CFAP43: variants seen among roughly 807,000 people sequenced by gnomAD.
CFAP43 encodes the protein cilia and flagella associated protein 43, also known as cilia- and flagella-associated protein 43.
A neutral mutation model predicts 218.9 loss-of-function variants in CFAP43; 155 were observed. The observed-to-expected ratio is 0.71, with a 90% CI of 0.62 to 0.81. CFAP43 has a LOEUF of 0.81. CFAP43 is among the 30% of genes least tolerant of loss of function. The pLI is 0.00. For synonymous variants in CFAP43, 645 were observed against 681.3 expected (o/e 0.95, Z 0.83); for missense variants, 1,778 against 1,954.3 (o/e 0.91, Z 1.70).
chr10:104,140,974 C>T lies in CFAP43; in HGVS notation c.4299G>A (p.Gln1433=), dbSNP rs45618238. Reference sequence around the variant, plus strand: ...GAAGAATTTGGATTGTCAAATTCAACTGGAATCTCACTTTCTCTTCCTGTA... The same window carrying T: ...GAAGAATTTGGATTGTCAAATTCAATTGGAATCTCACTTTCTCTTCCTGTA... ...ILLQEEKVRF[Q]LNLTIQILLK... Residue 1433 remains glutamine, a synonymous_variant, in exon 34 of 38, where the codon CAG becomes CAA. Coordinates refer to ENST00000357060, the MANE Select transcript of CFAP43 (RefSeq NM_025145.7). 0.024 allele frequency: 39,327 copies of T among 1,611,616 alleles called. 616 individuals are homozygous for T. The highest frequency in any genetic ancestry group is 0.029 in the Non-Finnish European group (33,891 of 1,179,058).
In CFAP43 at chr10:104,142,324, T is replaced by C. The variant is rs770738653; in HGVS notation, c.4228A>G (p.Lys1410Glu). The change falls in exon 33 of 38, where the codon AAG becomes GAG. Residue 1410 changes from lysine (K) to glutamate (E), a missense_variant. Lys to Glu is a moderately conservative substitution (Grantham distance 56). Around this residue, in one of 3 missense-constraint regions of CFAP43, gnomAD observed 1,553 missense variants for 1,685.2 expected, o/e 0.92. Transcript: ENST00000357060. ...ACTCTCTCAATCTCCTGTTGCACCTTCTCTTCCTCCTCAACTCTCTTCTGG... is the reference window on the plus strand; with the variant it reads ...ACTCTCTCAATCTCCTGTTGCACCTCCTCTTCCTCCTCAACTCTCTTCTGG... ...FLQKRVEEEE[K>E]VQQEIERVFH... 9 of 1,613,538 alleles carry C rather than the reference T, an allele frequency of 5.6e-6. No individual in the cohort carries two copies. The Admixed American group carries it at 8.3e-5, about 15-fold the overall frequency.
chr10:104,161,598 C>G (rs761768478), intron 26 of CFAP43, among the ~76,000 whole-genome samples: 1 of 152,064 alleles, frequency 6.6e-6, no homozygotes, highest in Non-Finnish European at 1.5e-5. Context: ...GAAGGCAAAC[C>G]TGCATTTTCA....
At position 104,214,242 on chromosome 10, in the gene CFAP43, G is replaced by A; in HGVS notation, c.584+17C>T. 6.4e-7 allele frequency: 1 copy of A among 1,552,474 alleles called. No homozygotes were observed. Among genetic ancestry groups the A allele is most frequent in the East Asian group, 2.3e-5 (1 of 43,616 alleles). On this transcript the variant is annotated intron_variant, in intron 4 of 37. Coordinates refer to ENST00000357060, the MANE Select transcript of CFAP43 (RefSeq NM_025145.7). ...CAAAGACCACCATGTTGCTACTGTT[G>A]TAACAAAGGCTCCTACCTTGCTCTG...
intron 8 of CFAP43, among the ~76,000 whole-genome samples, chr10:104,200,008 TC>T (rs555256639): frequency 2.9e-4 from 44 of 151,448 alleles, no homozygotes; most frequent in Middle Eastern, 6.8e-3. Flanking sequence ...TCTAAGGAAC[TC>T]CCCAAACCTC....
At chr10:104,185,293 C>T in intron 15 of CFAP43, 147 bp from the exon 16 acceptor site, 1 of 989,298 alleles carries the variant, frequency 1.0e-6, no homozygotes, top group Non-Finnish European at 1.5e-6. Flanking sequence ...AGGCAATTGG[C>T]AATACATAGT....
chr10:104,160,944 A>G, intron 27 of CFAP43, 93 bp downstream of exon 27: 1 of 1,274,402 alleles, frequency 7.8e-7, no homozygotes, highest in Admixed American at 2.2e-5. Flanking sequence ...TCCTTAAGCT[A>G]TTAAAGATAT....
chr10:104,143,384 A>G, intron 32 of CFAP43, 42 bp downstream of exon 32: 2 of 1,531,286 alleles, frequency 1.3e-6, no homozygotes, highest in Non-Finnish European at 1.8e-6. Context: ...TGTATTTGAT[A>G]TTAGTACACT....
intron 8 of CFAP43, among the ~76,000 whole-genome samples, chr10:104,198,682 C>T (rs10883980): frequency 0.057 from 8,646 of 151,692 alleles, 295 homozygotes; most frequent in South Asian, 0.13. Context: ...ACTGAGTCTC[C>T]CTCTGTCGCC....
intron 15 of CFAP43, 80 bp downstream of exon 15, chr10:104,185,894 T>A (rs1589731510): frequency 1.5e-6 from 2 of 1,325,712 alleles, no homozygotes; most frequent in Admixed American, 2.6e-5. Context: ...TATAAGCAAA[T>A]TTTTATATAC....
At chr10:104,220,949 CGTGTGTGTGTGTGTGTGTGTGTGTGT>C (rs68093596) in intron 3 of CFAP43, among the ~76,000 whole-genome samples, 165 of 143,696 alleles carry the variant, frequency 1.1e-3, no homozygotes, top group East Asian at 2.5e-3. Context: ...TATGAGTGAG[CGTGTGTGTGTGTGTGTGTGTGTGTGT>C]GTGTGTGTGT....
intron 18 of CFAP43, 45 bp downstream of exon 18, chr10:104,179,795 A>G (rs1395083941): frequency 7.1e-7 from 1 of 1,410,474 alleles, no homozygotes; most frequent in African/African-American, 1.4e-5. Flanking sequence ...TATTTGGTGC[A>G]TCTACAGAGC....
intron 19 of CFAP43, among the ~76,000 whole-genome samples, chr10:104,177,446 G>A (rs2089672163): frequency 6.6e-6 from 1 of 152,200 alleles, no homozygotes; most frequent in African/African-American, 2.4e-5. Flanking sequence ...CTGGGAGAAT[G>A]AGGACCCTGG....
Position 104,185,135 on chromosome 10 carries a change from A to G in CFAP43, c.2022T>C (p.Ala674=). ...IRDVYTLETF[A]WCRSHSHQGH... ...CCTGGTGAGAATGACTCCGACACCAAGCAAATGTTTCCTCAATAGTTAAGA... is the reference window on the plus strand; with the variant it reads ...CCTGGTGAGAATGACTCCGACACCAGGCAAATGTTTCCTCAATAGTTAAGA... Residue 674 remains alanine, a synonymous_variant, in exon 16 of 38, where the codon GCT becomes GCC. Coordinates refer to ENST00000357060, the MANE Select transcript of CFAP43 (RefSeq NM_025145.7). 1 of 1,613,736 alleles carries G rather than the reference A, an allele frequency of 6.2e-7. No individual in the cohort carries two copies.
At chr10:104,172,388 C>A in intron 20 of CFAP43, 22 bp downstream of exon 20, 1 of 1,600,466 alleles carries the variant, frequency 6.2e-7, no homozygotes, top group Non-Finnish European at 8.5e-7. Flanking sequence ...CTTTATGGTG[C>A]TTAAATTATA....
At chr10:104,146,162 A>T (rs2087956900) in intron 30 of CFAP43, 101 bp downstream of exon 30, 1 of 935,506 alleles carries the variant, frequency 1.1e-6, no homozygotes, top group African/African-American at 1.7e-5. Context: ...AGTGGGAGAA[A>T]AATCTGTGAG....
At chr10:104,222,926 T>C (rs1028316589) in intron 3 of CFAP43, among the ~76,000 whole-genome samples, 1 of 152,202 alleles carries the variant, frequency 6.6e-6, no homozygotes, top group African/African-American at 2.4e-5. Flanking sequence ...ACCTCTAGGA[T>C]AGGGGTTGGC....
intron 24 of CFAP43, among the ~76,000 whole-genome samples, chr10:104,162,640 C>G (rs868206119): frequency 6.6e-6 from 1 of 151,740 alleles, no homozygotes; most frequent in African/African-American, 2.4e-5. Context: ...AAGATTATAA[C>G]AGGGAACCTG....
intron 3 of CFAP43, among the ~76,000 whole-genome samples, chr10:104,216,034 C>T (rs1338192598): frequency 6.6e-6 from 1 of 152,112 alleles, no homozygotes; most frequent in East Asian, 1.9e-4. Flanking sequence ...AGTGCTCATC[C>T]ATACCATCCT....
At position 104,198,019 on chromosome 10, in the gene CFAP43, G is replaced by C. The variant is rs753930633; in HGVS notation, c.1115C>G (p.Thr372Ser). The C allele has an allele frequency of 8.1e-6, 13 of 1,609,448 alleles. No homozygotes were observed. Among genetic ancestry groups the C allele is most frequent in the Non-Finnish European group, 1.1e-5 (13 of 1,176,170 alleles). Residue 372 changes from threonine (T) to serine (S), a missense_variant, in exon 9 of 38, where the codon ACT becomes AGT. This residue lies in a region of CFAP43 where 1,553 missense variants were observed against 1,685.2 expected (regional missense o/e 0.92). Coordinates refer to ENST00000357060, the MANE Select transcript of CFAP43 (RefSeq NM_025145.7). Reference protein sequence around the residue: ...QTDKGSVYIYTFGKEPTLNKV... With the variant: ...QTDKGSVYIYSFGKEPTLNKV... ...ATTTAAGGTTGGCTCCTTACCAAAA[G>C]TGTAGATATAAACAGATCCCTGATA... is the stretch of plus-strand genomic sequence containing the variant.
Sources: allele counts gnomAD v4.1 joint callset (sites outside exome capture counted in the v4.1 genomes callset), GRCh38; gene constraint gnomAD v4.1.1; regional missense constraint gnomAD v4.1.1; transcripts MANE v1.5; gene names NCBI Gene and HGNC (gene_info 2026-07-23, HGNC 2026-07-21).